Variants in EFHB observed in about 807,000 individuals in gnomAD.
EFHB encodes the protein EF-hand domain-containing family member B.
Under a neutral mutation model 87.2 loss-of-function variants are expected in EFHB, and 91 were observed. The observed-to-expected ratio is 1.04, with a 90% confidence interval of 0.88 to 1.24. EFHB has a LOEUF of 1.24. EFHB is among the 50% of genes most tolerant of loss of function. The pLI is 0.00. For missense variants in EFHB, 1,084 were observed against 998.8 expected, an observed-to-expected ratio of 1.09 and a Z score of -1.15; for synonymous variants, 325 against 333.6, an observed-to-expected ratio of 0.97 and a Z score of 0.28.
chr3:19,884,364 T>C, intron 11 of EFHB, 39 bp downstream of exon 11: 1 of 1,572,490 alleles, frequency 6.4e-7, no homozygotes, highest in African/African-American at 1.3e-5. Context: ...AGAGGACAGT[T>C]TGTTGATGCT....
At chr3:19,894,080 A>G (rs552809367) in intron 9 of EFHB, among the ~76,000 whole-genome samples, 2 of 152,358 alleles carry the variant, frequency 1.3e-5, no homozygotes, top group East Asian at 1.9e-4. Flanking sequence ...TGAATTACAT[A>G]GTCTATGATA....
At chr3:19,883,089 C>T (rs2071722350) in intron 11 of EFHB, among the ~76,000 whole-genome samples, 1 of 152,108 alleles carries the variant, frequency 6.6e-6, no homozygotes, top group Admixed American at 6.5e-5. Flanking sequence ...CAGCCTTGAA[C>T]TCCTGGACTC....
At chr3:19,907,434 C>T (rs1353808938) in intron 5 of EFHB, among the ~76,000 whole-genome samples, 1 of 152,084 alleles carries the variant, frequency 6.6e-6, no homozygotes, top group Non-Finnish European at 1.5e-5. Flanking sequence ...GGGTCTCCAC[C>T]ATTGTTATGG....
At chr3:19,902,486 C>T (rs1236673130) in intron 6 of EFHB, among the ~76,000 whole-genome samples, 1 of 152,070 alleles carries the variant, frequency 6.6e-6, no homozygotes. Flanking sequence ...TCCCAAGTAG[C>T]TGGGACTACA....
intron 6 of EFHB, among the ~76,000 whole-genome samples, chr3:19,904,465 A>G (rs1694772727): frequency 6.6e-6 from 1 of 152,046 alleles, no homozygotes; most frequent in Non-Finnish European, 1.5e-5. Context: ...CAGCCTCCCA[A>G]AGCACTGGGA....
At chr3:19,946,362 G>A (rs1696280600) in intron 1 of EFHB, 1 of 152,228 alleles carries the variant, frequency 6.6e-6, no homozygotes, top group South Asian at 2.1e-4. Flanking sequence ...TCGAATGTAG[G>A]GAACAGACGA....
chr3:19,910,150 G>C (rs184910795), intron 5 of EFHB, among the ~76,000 whole-genome samples: 104 of 152,002 alleles, frequency 6.8e-4, no homozygotes, highest in African/African-American at 2.3e-3. Context: ...CACGAAGCAG[G>C]CTCTTAGGGT....
upstream of EFHB, among the ~76,000 whole-genome samples, chr3:19,935,865 C>G (rs57808479): frequency 0.58 from 87,888 of 151,464 alleles, 26,077 homozygotes; most frequent in Non-Finnish European, 0.64. Context: ...CAAAAATTAG[C>G]TGGGCCTGAT....
chr3:19,882,167 C>T (rs1465390747), intron 12 of EFHB, among the ~76,000 whole-genome samples: 1 of 152,052 alleles, frequency 6.6e-6, no homozygotes, highest in East Asian at 1.9e-4. Flanking sequence ...TACCAGTGGA[C>T]AAGAAGGGTA....
intron 5 of EFHB, 81 bp downstream of exon 5, chr3:19,915,222 A>G (rs1695186821): frequency 1.2e-6 from 1 of 814,952 alleles, no homozygotes; most frequent in Middle Eastern, 2.3e-4. Flanking sequence ...ATTTAACTTT[A>G]TGTACCAATT....
rs1213797471 is a variant in EFHB at position 19,933,794 on chromosome 3, T to C, written c.225A>G (p.Glu75=). The C allele has an allele frequency of 3.1e-6, 5 of 1,613,862 alleles. No individual in the cohort carries two copies. Among genetic ancestry groups the C allele is most frequent in the Non-Finnish European group, 4.2e-6 (5 of 1,179,890 alleles). The change falls in exon 1 of 13, where the codon GAA becomes GAG. Residue 75 remains glutamate, a synonymous_variant. Coordinates refer to ENST00000295824, the MANE Select transcript of EFHB (RefSeq NM_144715.4). Reference sequence around the variant, plus strand: ...TGACAGTCCTAGAAATATTCTGTCTTTCTAATCCCATTTCAAGCCCCTTGC... The same window carrying C: ...TGACAGTCCTAGAAATATTCTGTCTCTCTAATCCCATTTCAAGCCCCTTGC... ...PLSKGLEMGL[E]RQNISRTVMQ... is the part of the protein sequence containing the mutation.
At chr3:19,938,231 C>T (rs774902620), upstream of EFHB, among the ~76,000 whole-genome samples, 5 of 152,140 alleles carry the variant, frequency 3.3e-5, no homozygotes, top group African/African-American at 4.8e-5. Context: ...TCTGAGATTA[C>T]GGTAGTGTTC....
chr3:19,945,564 T>A (rs1199585939), intron 1 of EFHB, among the ~76,000 whole-genome samples: 6 of 152,136 alleles, frequency 3.9e-5, no homozygotes, highest in Admixed American at 1.3e-4. Flanking sequence ...AATGCCAGTC[T>A]CTAAGCAGAA....
upstream of EFHB, among the ~76,000 whole-genome samples, chr3:19,935,279 A>T (rs1559477801): frequency 6.6e-6 from 1 of 152,250 alleles, no homozygotes; most frequent in African/African-American, 2.4e-5. Flanking sequence ...ATAATGTGGC[A>T]AACTAAAACT....
intron 1 of EFHB, chr3:19,943,265 C>A: frequency 3.8e-6 from 1 of 262,654 alleles, no homozygotes; most frequent in East Asian, 1.0e-4. Flanking sequence ...AAAACACCCA[C>A]ACAAGAGTAG....
At chr3:19,935,020 C>T (rs944682076), upstream of EFHB, among the ~76,000 whole-genome samples, 5 of 152,054 alleles carry the variant, frequency 3.3e-5, no homozygotes, top group African/African-American at 1.2e-4. Context: ...AAGCGATTCT[C>T]CTGCCTCAGC....
intron 8 of EFHB, 55 bp from the exon 9 acceptor site, chr3:19,896,896 T>C: frequency 6.9e-7 from 1 of 1,451,628 alleles, no homozygotes; most frequent in African/African-American, 1.4e-5. Context: ...CTATATTATT[T>C]CTATCTTTTA....
chr3:19,921,770 G>T (rs889801495), intron 1 of EFHB, among the ~76,000 whole-genome samples: 1 of 151,842 alleles, frequency 6.6e-6, no homozygotes, highest in African/African-American at 2.4e-5. Flanking sequence ...GAGATATAGT[G>T]AGATTTTTTT....
chr3:19,918,372 T>G lies in EFHB; in HGVS notation c.1037A>C (p.Gln346Pro), dbSNP rs142477704. The change falls in exon 4 of 13, where the codon CAA becomes CCA. Residue 346 changes from glutamine to proline, a missense_variant. Transcript: ENST00000295824. ...TTCTTTTTTATCTTTAATTTTCTGT[T>G]GAAATGTGGTAATAGGCTGTGGGTT... ...LINPQPITTF[Q>P]QKIKDKKESI... The G allele has an allele frequency of 1.2e-6, 2 of 1,611,438 alleles. No individual in the cohort carries two copies. Among genetic ancestry groups the G allele is most frequent in the South Asian group, 2.2e-5 (2 of 90,082 alleles).
Sources: allele counts gnomAD v4.1 joint callset (sites outside exome capture counted in the v4.1 genomes callset), GRCh38; gene constraint gnomAD v4.1.1; transcripts MANE v1.5; gene names NCBI Gene and HGNC (gene_info 2026-07-23, HGNC 2026-07-21).